SI: variants seen among roughly 807,000 people sequenced by gnomAD.
The protein encoded by SI is sucrase-isomaltase, intestinal.
Under a neutral mutation model 253.3 loss-of-function variants are expected in SI, and 235 were observed. The ratio of observed to expected loss-of-function variants is 0.93; its 90% CI spans 0.83 to 1.03. SI has a LOEUF of 1.03. Ranked by LOEUF, SI falls within the 50% of genes least tolerant of loss-of-function variation. The probability of loss-of-function intolerance (pLI) is 0.00; values close to 1 mark genes in which losing one functional copy is unlikely to be tolerated. For synonymous variants in SI, 819 were observed against 712.0 expected (o/e 1.15, Z -2.39); for missense variants, 2,442 against 2,211.1 (o/e 1.10, Z -2.09).
chr3:164,999,656 C>T (rs1225999709), intron 37 of SI, among the ~76,000 whole-genome samples: 1 of 151,632 alleles, frequency 6.6e-6, no homozygotes, highest in Non-Finnish European at 1.5e-5. Flanking sequence ...AAAGCTCCTT[C>T]CATGACACCT....
chr3:164,989,424 G>GAA (rs35542033), intron 44 of SI, among the ~76,000 whole-genome samples: 1 of 144,012 alleles, frequency 6.9e-6, no homozygotes, highest in Non-Finnish European at 1.5e-5. Flanking sequence ...AAGAAAGAAA[G>GAA]AAAGAAAGAA....
intron 15 of SI, among the ~76,000 whole-genome samples, chr3:165,048,076 A>G (rs1316166536): frequency 6.6e-6 from 1 of 152,096 alleles, no homozygotes; most frequent in Non-Finnish European, 1.5e-5. Flanking sequence ...CATTGAGTTT[A>G]CAAAGTAAAT....
intron 1 of SI, among the ~76,000 whole-genome samples, chr3:165,077,604 T>A (rs1045712034): frequency 6.6e-6 from 1 of 151,696 alleles, no homozygotes; most frequent in Non-Finnish European, 1.5e-5. Context: ...GAGCAACAGG[T>A]AACATACAAA....
rs1225250652 is a variant in SI, at chr3:165,023,561, C to T, written c.3099+9G>A. On this transcript the variant is annotated intron_variant, in intron 26 of 47. Coordinates refer to ENST00000264382, the MANE Select transcript of SI (RefSeq NM_001041.4). ...AGTTAAGCTTTGGGGTAGTTTATAT[C>T]AAGCATACCTTAAACTGCAACATAT... 1.3e-6 allele frequency: 2 copies of T among 1,599,532 alleles called. No individual in the cohort carries two copies. The highest frequency in any genetic ancestry group is 1.7e-6 in the Non-Finnish European group (2 of 1,167,820).
At chr3:165,033,025 A>C (rs962753363) in intron 23 of SI, among the ~76,000 whole-genome samples, 2 of 151,414 alleles carry the variant, frequency 1.3e-5, no homozygotes, top group Non-Finnish European at 3.0e-5. Flanking sequence ...CATTTCTATT[A>C]ACTATTCAAA....
chr3:165,086,559 C>T, the SI span, among the ~76,000 whole-genome samples: 3 of 152,172 alleles, frequency 2.0e-5, 1 homozygote, highest in Admixed American at 1.3e-4. Flanking sequence ...TGTCTAGATT[C>T]TGCCTTCTGC....
At chr3:165,033,259 G>T in intron 23 of SI, 136 bp downstream of exon 23, 1 of 619,836 alleles carries the variant, frequency 1.6e-6, no homozygotes, top group South Asian at 4.7e-5. Flanking sequence ...CAATTTAATT[G>T]AACAATTTAT....
At chr3:165,019,562 T>A in intron 28 of SI, 40 bp downstream of exon 28, 1 of 1,588,938 alleles carries the variant, frequency 6.3e-7, no homozygotes, top group Non-Finnish European at 8.6e-7. Flanking sequence ...CTACTCATGG[T>A]CTTAGTTGCC....
chr3:165,034,055 A>T (rs1158182239), intron 22 of SI, among the ~76,000 whole-genome samples: 2 of 151,760 alleles, frequency 1.3e-5, no homozygotes, highest in African/African-American at 2.4e-5. Context: ...AGTTTGTCAT[A>T]AACAGTGTTA....
At chr3:165,063,126 A>G (rs1012756632) in intron 8 of SI, among the ~76,000 whole-genome samples, 1 of 151,980 alleles carries the variant, frequency 6.6e-6, no homozygotes, top group Non-Finnish European at 1.5e-5. Flanking sequence ...TTGTAGTGGC[A>G]TGTTTACTTA....
At chr3:165,089,229 T>G in the SI span, among the ~76,000 whole-genome samples, 1 of 151,998 alleles carries the variant, frequency 6.6e-6, no homozygotes, top group Non-Finnish European at 1.5e-5. Context: ...ACGGAAGTGA[T>G]AAAGATATAA....
At chr3:165,012,769 A>C (rs536565776) in intron 34 of SI, among the ~76,000 whole-genome samples, 3 of 152,292 alleles carry the variant, frequency 2.0e-5, no homozygotes, top group South Asian at 4.1e-4. Flanking sequence ...TGGATTAAAT[A>C]AAGCAAAATA....
intron 37 of SI, among the ~76,000 whole-genome samples, chr3:165,002,284 A>G (rs1048565477): frequency 6.6e-6 from 1 of 151,748 alleles, no homozygotes; most frequent in Non-Finnish European, 1.5e-5. Context: ...TCAAATTACA[A>G]GAGATGAGAG....
intron 3 of SI, 129 bp downstream of exon 3, chr3:165,074,402 A>T (rs1270112250): frequency 7.5e-6 from 4 of 530,436 alleles, no homozygotes; most frequent in African/African-American, 6.0e-5. Context: ...GGAAGCTATA[A>T]TAAAATGATA....
chr3:164,992,772 T>C (rs946813360), intron 41 of SI, among the ~76,000 whole-genome samples: 10 of 151,852 alleles, frequency 6.6e-5, no homozygotes, highest in Non-Finnish European at 1.2e-4. Context: ...TTGTGAGACA[T>C]ACTGTAAGAA....
intron 3 of SI, among the ~76,000 whole-genome samples, chr3:165,074,191 T>C (rs1283907245): frequency 6.6e-6 from 1 of 152,072 alleles, no homozygotes; most frequent in Non-Finnish European, 1.5e-5. Context: ...TACTGGAACA[T>C]ATATACTCCC....
intron 16 of SI, among the ~76,000 whole-genome samples, chr3:165,043,422 A>G (rs1369726333): frequency 6.6e-6 from 1 of 151,610 alleles, no homozygotes; most frequent in East Asian, 1.9e-4. Flanking sequence ...TTTACATTTT[A>G]CTCATTTTTT....
chr3:165,000,221 C>T lies in SI; in HGVS notation c.4407-1548G>A, dbSNP rs1041072144. On this transcript the variant is annotated intron_variant, in intron 37 of 47. Transcript: ENST00000264382. ...AGAAAATTATGTTTCTGGAGGATTT[C>T]TTTTTTTTCTCTATTATATATCTTA... Among the ~76,000 whole-genome samples, 71 of 151,036 alleles carry T rather than the reference C, an allele frequency of 4.7e-4. 1 individual carries two copies. Among genetic ancestry groups the T allele is most frequent in the African/African-American group, 1.7e-3 (70 of 41,388 alleles).
intron 37 of SI, among the ~76,000 whole-genome samples, chr3:164,999,160 G>A (rs1042575111): frequency 6.6e-6 from 1 of 151,602 alleles, no homozygotes; most frequent in South Asian, 2.1e-4. Flanking sequence ...AAGTATTCTC[G>A]GGTCTTAAAA....
Sources: gnomAD v4.1 joint callset for allele counts (sites outside exome capture counted in the v4.1 genomes callset) on GRCh38, gnomAD v4.1.1 for gene constraint, MANE v1.5 for transcripts, NCBI Gene and HGNC (gene_info 2026-07-23, HGNC 2026-07-21) for gene names.